TMEM74: variants seen among roughly 807,000 people sequenced by gnomAD.
TMEM74 encodes the protein transmembrane protein 74.
Under a neutral mutation model 18.1 loss-of-function variants are expected in TMEM74, and 13 were observed. The observed-to-expected ratio is 0.72, with a 90% CI of 0.47 to 1.14. TMEM74 has a LOEUF of 1.14. Ranked by LOEUF, TMEM74 falls within the 50% of genes most tolerant of loss-of-function variation. The pLI is 0.00. For missense variants in TMEM74, 372 were observed against 375.9 expected, an observed-to-expected ratio of 0.99 and a Z score of 0.09; for synonymous variants, 159 against 146.6, an observed-to-expected ratio of 1.08 and a Z score of -0.61.
chr8:108,631,623 T>C (rs548030797), intron 2 of TMEM74, among the ~76,000 whole-genome samples: 1 of 152,156 alleles, frequency 6.6e-6, no homozygotes, highest in East Asian at 1.9e-4. Context: ...ATTAGACCTT[T>C]GTCGGATGCA....
At chr8:108,635,416 G>A (rs1812597518) in intron 2 of TMEM74, among the ~76,000 whole-genome samples, 1 of 152,008 alleles carries the variant, frequency 6.6e-6, no homozygotes, top group Non-Finnish European at 1.5e-5. Flanking sequence ...TCAAGGCAAT[G>A]TTTTCCTTGG....
intron 1 of TMEM74, among the ~76,000 whole-genome samples, chr8:108,736,650 C>CA (rs147549390): frequency 1.8e-4 from 27 of 149,816 alleles, no homozygotes; most frequent in South Asian, 1.5e-3. Context: ...GACGCTGTCT[C>CA]AAAAAAAAAG....
intron 1 of TMEM74, among the ~76,000 whole-genome samples, chr8:108,705,943 T>C (rs1813392452): frequency 6.6e-6 from 1 of 152,222 alleles, no homozygotes; most frequent in Non-Finnish European, 1.5e-5. Flanking sequence ...AACTCTGATT[T>C]CTTGGAAGGA....
intron 2 of TMEM74, among the ~76,000 whole-genome samples, chr8:108,617,223 T>C (rs1443551497): frequency 6.6e-6 from 1 of 151,792 alleles, no homozygotes; most frequent in Non-Finnish European, 1.5e-5. Flanking sequence ...AAGGAGCCAA[T>C]GTGGGTGAGG....
intron 1 of TMEM74, among the ~76,000 whole-genome samples, chr8:108,715,573 T>C (rs1210307400): frequency 6.6e-6 from 1 of 152,120 alleles, no homozygotes; most frequent in African/African-American, 2.4e-5. Flanking sequence ...CAAGTTGTGT[T>C]TATGTCATGT....
intron 1 of TMEM74, among the ~76,000 whole-genome samples, chr8:108,702,728 A>G (rs1315430697): frequency 6.7e-6 from 1 of 149,794 alleles, no homozygotes; most frequent in African/African-American, 2.4e-5. Context: ...CATTAGGTAT[A>G]TCTCTTCATG....
intron 2 of TMEM74, among the ~76,000 whole-genome samples, chr8:108,644,561 G>C (rs1362205367): frequency 6.6e-6 from 1 of 152,086 alleles, no homozygotes; most frequent in Non-Finnish European, 1.5e-5. Flanking sequence ...AGACAAAGCA[G>C]ACACCCTGCA....
At chr8:108,778,655 T>C (rs1349033194), downstream of TMEM74, among the ~76,000 whole-genome samples, 1 of 152,154 alleles carries the variant, frequency 6.6e-6, no homozygotes. Flanking sequence ...CACTTATATA[T>C]AATAAGGATA....
intron 2 of TMEM74, among the ~76,000 whole-genome samples, chr8:108,654,198 G>A (rs1812800225): frequency 6.6e-6 from 1 of 152,060 alleles, no homozygotes; most frequent in Non-Finnish European, 1.5e-5. Flanking sequence ...AAAGGATAAA[G>A]GCAGCAGAGG....
At chr8:108,656,458 A>T (rs1443913525) in intron 1 of TMEM74, among the ~76,000 whole-genome samples, 2 of 152,164 alleles carry the variant, frequency 1.3e-5, no homozygotes, top group East Asian at 3.9e-4. Context: ...TTAATAGTCC[A>T]TTCGAACTTC....
At chr8:108,609,727 T>C (rs1000642474) in intron 2 of TMEM74, among the ~76,000 whole-genome samples, 1 of 152,184 alleles carries the variant, frequency 6.6e-6, no homozygotes, top group Non-Finnish European at 1.5e-5. Context: ...GACTTGAAAG[T>C]AATTTAGTTC....
intron 1 of TMEM74, among the ~76,000 whole-genome samples, chr8:108,722,980 C>T (rs1477263627): frequency 6.6e-6 from 1 of 152,150 alleles, no homozygotes; most frequent in African/African-American, 2.4e-5. Context: ...AGTGTTAGGA[C>T]TGACCTACCT....
downstream of TMEM74, among the ~76,000 whole-genome samples, chr8:108,775,896 AT>A (rs1179560813): frequency 2.0e-5 from 3 of 152,182 alleles, no homozygotes; most frequent in African/African-American, 7.2e-5. Context: ...GGCATCACTG[AT>A]TATGCCATTT....
At chr8:108,653,644 A>G (rs1284117584) in intron 2 of TMEM74, among the ~76,000 whole-genome samples, 2 of 152,186 alleles carry the variant, frequency 1.3e-5, no homozygotes, top group African/African-American at 4.8e-5. Flanking sequence ...TTGTTTAAAT[A>G]ATAAATAATT....
chr8:108,752,003 G>A (rs937813008), intron 1 of TMEM74, among the ~76,000 whole-genome samples: 2 of 152,106 alleles, frequency 1.3e-5, no homozygotes, highest in South Asian at 4.1e-4. Flanking sequence ...GACTATGGTC[G>A]TGAACATGAC....
At chr8:108,670,977 C>A (rs1020091188) in intron 1 of TMEM74, among the ~76,000 whole-genome samples, 2 of 152,090 alleles carry the variant, frequency 1.3e-5, no homozygotes, top group African/African-American at 4.8e-5. Context: ...TTGAGAATAT[C>A]ATACCTATGC....
intron 1 of TMEM74, among the ~76,000 whole-genome samples, chr8:108,767,319 A>G (rs1814119819): frequency 6.6e-6 from 1 of 152,218 alleles, no homozygotes; most frequent in Admixed American, 6.5e-5. Flanking sequence ...AAACATGTTC[A>G]CTATCCAATC....
intron 1 of TMEM74, among the ~76,000 whole-genome samples, chr8:108,751,709 T>G (rs1446816835): frequency 6.6e-6 from 1 of 151,964 alleles, no homozygotes; most frequent in Non-Finnish European, 1.5e-5. Context: ...AACCCCAAAT[T>G]TTTCTATTAA....
chr8:108,730,124 T>C lies in TMEM74; in HGVS notation n.119+57352A>G, dbSNP rs1399485297. Among the ~76,000 whole-genome samples, 43 of 152,190 alleles carry C rather than the reference T, an allele frequency of 2.8e-4. 1 individual carries two copies. The highest frequency in any genetic ancestry group is 2.8e-3 in the Admixed American group (43 of 15,288). Reference sequence around the variant, plus strand: ...GACTAAAAAGGAAAACATTTCAGGGTTGGCATGAGCCTGCTAGTCTTTCTG... The same window carrying C: ...GACTAAAAAGGAAAACATTTCAGGGCTGGCATGAGCCTGCTAGTCTTTCTG... On this transcript the variant is annotated intron_variant and non_coding_transcript_variant, in intron 1 of 3. Coordinates refer to the TMEM74 transcript ENST00000518838.
Sources: gnomAD v4.1 joint callset for allele counts (sites outside exome capture counted in the v4.1 genomes callset) on GRCh38, gnomAD v4.1.1 for gene constraint, MANE v1.5 for transcripts, NCBI Gene and HGNC (gene_info 2026-07-23, HGNC 2026-07-21) for gene names.